The following TRMT2B variants were observed in gnomAD, a reference collection of about 807,000 sequenced individuals.
TRMT2B encodes the protein tRNA (uracil-5-)-methyltransferase homolog B.
In TRMT2B, 34 loss-of-function variants were observed where a neutral mutation model predicts 39.7. The ratio of observed to expected loss-of-function variants is 0.86; its 90% CI spans 0.65 to 1.14. TRMT2B has a LOEUF of 1.14. Ranked by LOEUF, TRMT2B falls within the 50% of genes most tolerant of loss-of-function variation. The pLI is 0.00. For missense variants in TRMT2B, 318 were observed against 377.2 expected, an observed-to-expected ratio of 0.84 and a Z score of 1.30; for synonymous variants, 132 against 137.3, an observed-to-expected ratio of 0.96 and a Z score of 0.27.
At chrX:101,008,886 T>C (rs1478421218), downstream of TRMT2B, among the ~76,000 whole-genome samples, 2 of 111,481 alleles carry the variant, frequency 1.8e-5, no homozygotes, top group Non-Finnish European at 3.8e-5. Context: ...CAGCCCTGCA[T>C]TGCCTTTCCC....
intron 13 of TRMT2B, chrX:101,015,776 A>C: frequency 5.3e-6 from 1 of 187,696 alleles, no homozygotes; most frequent in Non-Finnish European, 7.7e-6. Flanking sequence ...TTATTGAGAT[A>C]ATTTGCATAC....
Position 101,051,398 on chromosome X carries a change from G to C in TRMT2B, c.-171C>G, listed in dbSNP as rs772758034. 15 of 752,707 alleles carry C rather than the reference G, an allele frequency of 2.0e-5. No individual in the cohort carries two copies. Among genetic ancestry groups the C allele is most frequent in the African/African-American group, 2.3e-5 (1 of 43,245 alleles). The allele number at this position is 752,707 out of a possible 1,213,427, so 62.0% of individuals were successfully genotyped here. ...CAAACAAGCAAATGGGTTGACTGCT[G>C]TGTCGTGTCCCGAATGCAGCCCACA... is the stretch of plus-strand genomic sequence containing the variant. On this transcript the variant is annotated 5_prime_UTR_variant, in exon 2 of 14. Transcript: ENST00000372936.
downstream of TRMT2B, among the ~76,000 whole-genome samples, chrX:101,004,509 GT>G (rs57623968): frequency 2.8e-4 from 30 of 106,446 alleles, no homozygotes; most frequent in South Asian, 0.012. Context: ...TTTTGTTTTT[GT>G]TTTTTTTTGA....
chrX:101,019,422 C>G lies in TRMT2B; in HGVS notation c.1169-19G>C, dbSNP rs746541995. The G allele has an allele frequency of 1.7e-6, 2 of 1,209,659 alleles. No homozygotes were observed. Among genetic ancestry groups the G allele is most frequent in the Non-Finnish European group, 2.2e-6 (2 of 894,882 alleles). On this transcript the variant is annotated intron_variant, in intron 11 of 13. Coordinates refer to ENST00000372936, the MANE Select transcript of TRMT2B (RefSeq NM_024917.6). ...GTGATGCCTATGGAAGACAGGCCCA[C>G]AGGACATAACTCAAGCCCAGCAGTA...
chrX:100,997,225 G>C, the TRMT2B span, among the ~76,000 whole-genome samples: 1 of 111,670 alleles, frequency 9.0e-6, no homozygotes, highest in South Asian at 3.7e-4. Context: ...AGTATATTTA[G>C]TTTTCCAAAG....
chrX:100,986,406 T>C, the TRMT2B span, among the ~76,000 whole-genome samples: 1 of 111,592 alleles, frequency 9.0e-6, no homozygotes, highest in South Asian at 3.8e-4. Flanking sequence ...CCCGCCCCCA[T>C]CTCCCTTTAT....
downstream of TRMT2B, among the ~76,000 whole-genome samples, chrX:101,005,805 C>G (rs1229646608): frequency 9.8e-6 from 1 of 102,526 alleles, no homozygotes; most frequent in African/African-American, 3.6e-5. Context: ...TGCTTGAGCC[C>G]AGGAGGCAGA....
Position 101,041,338 on chromosome X carries a change from C to T in TRMT2B, c.282G>A (p.Leu94=). ...CTACCTTGAGCTGTTCTTCATAGCT[C>T]AACCTCCAGAGTGGTGTCACAACAT... ...LADVVTPLWR[L]SYEEQLKVKF... is the part of the protein sequence containing the mutation. The change falls in exon 4 of 14, where the codon TTG becomes TTA. Residue 94 remains leucine (L), a synonymous_variant. Transcript: ENST00000372936. 1 of 1,210,329 alleles carries T rather than the reference C, an allele frequency of 8.3e-7. No individual in the cohort carries two copies. Among genetic ancestry groups the T allele is most frequent in the Non-Finnish European group, 1.1e-6 (1 of 894,771 alleles).
chrX:101,001,149 C>T, the TRMT2B span, among the ~76,000 whole-genome samples: 1 of 110,840 alleles, frequency 9.0e-6, no homozygotes, highest in South Asian at 3.9e-4. Flanking sequence ...AATCACCGGG[C>T]AGGGTGGACA....
chrX:101,028,865 TG>T (rs2087277172), intron 7 of TRMT2B, among the ~76,000 whole-genome samples: 1 of 110,629 alleles, frequency 9.0e-6, no homozygotes, highest in Admixed American at 9.7e-5. Flanking sequence ...TTGTTAACTG[TG>T]TGGCACATTC....
chrX:101,035,400 C>T (rs1828928564), intron 7 of TRMT2B, among the ~76,000 whole-genome samples: 1 of 111,859 alleles, frequency 8.9e-6, no homozygotes, highest in African/African-American at 3.2e-5. Flanking sequence ...CTGATACTTA[C>T]AATAATGGAC....
the TRMT2B span, among the ~76,000 whole-genome samples, chrX:100,977,267 T>C: frequency 9.0e-6 from 1 of 110,822 alleles, no homozygotes; most frequent in South Asian, 3.8e-4. Flanking sequence ...TATCGAATAC[T>C]AGATCTTATT....
the TRMT2B span, chrX:100,988,198 C>G: frequency 8.3e-7 from 1 of 1,206,331 alleles, no homozygotes; most frequent in Non-Finnish European, 1.1e-6. Context: ...ACCAGCTTCT[C>G]CACCAGAACA....
chrX:100,979,391 G>T, the TRMT2B span, among the ~76,000 whole-genome samples: 1 of 111,749 alleles, frequency 8.9e-6, no homozygotes. Flanking sequence ...GGATAATTTT[G>T]CTGGATACAA....
Position 101,020,254 on chromosome X carries a change from G to C in TRMT2B, c.1168+233C>G, listed in dbSNP as rs756293490. Reference sequence around the variant, plus strand: ...TTGCAACTTTGTTTCCTATCAGCTAGACATGTATCTTCCCTTAGGTTCCTC... The same window carrying C: ...TTGCAACTTTGTTTCCTATCAGCTACACATGTATCTTCCCTTAGGTTCCTC... On this transcript the variant is annotated intron_variant, in intron 11 of 13. Coordinates refer to ENST00000372936, the MANE Select transcript of TRMT2B (RefSeq NM_024917.6). Among the ~76,000 whole-genome samples, 7 of 111,671 alleles carry C rather than the reference G, an allele frequency of 6.3e-5. 1 individual carries two copies. In the South Asian group the frequency reaches 1.5e-3, roughly 24 times the overall value.
At chrX:101,012,079 G>A (rs1480940517) in intron 13 of TRMT2B, among the ~76,000 whole-genome samples, 1 of 111,294 alleles carries the variant, frequency 9.0e-6, no homozygotes, top group Non-Finnish European at 1.9e-5. Context: ...TACAAGTATA[G>A]TATAGAAAGT....
At chrX:101,049,487 C>CA (rs1168727839) in intron 2 of TRMT2B, among the ~76,000 whole-genome samples, 1,701 of 21,054 alleles carry the variant, frequency 0.081, 92 homozygotes, top group African/African-American at 0.19. Flanking sequence ...ACCCTGTCTC[C>CA]AAAAAAAAAA....
chrX:101,051,773 A>T (rs2089115334), intron 1 of TRMT2B, 40 bp from the exon 2 acceptor site: 1 of 656,685 alleles, frequency 1.5e-6, no homozygotes, highest in Non-Finnish European at 1.8e-6. Flanking sequence ...CGGGCTATTT[A>T]TCCACCTTAC....
intron 4 of TRMT2B, 83 bp from the exon 5 acceptor site, chrX:101,038,134 G>A (rs774399185): frequency 3.2e-5 from 27 of 843,790 alleles, no homozygotes; most frequent in African/African-American, 1.2e-4. Flanking sequence ...TTGGGAGGCC[G>A]AGGTGCGTGG....
Sources: allele counts gnomAD v4.1 joint callset (sites outside exome capture counted in the v4.1 genomes callset), GRCh38; gene constraint gnomAD v4.1.1; transcripts MANE v1.5; gene names NCBI Gene and HGNC (gene_info 2026-07-23, HGNC 2026-07-21).